The following VPS33A variants were observed in gnomAD, a reference collection of about 807,000 sequenced individuals.
VPS33A encodes VPS33A core subunit of CORVET and HOPS complexes, also known as vacuolar protein sorting-associated protein 33A.
In VPS33A, 32 loss-of-function variants were observed where a neutral mutation model predicts 71.8. The observed-to-expected ratio is 0.45, with a 90% CI of 0.34 to 0.60. The LOEUF (loss-of-function observed/expected upper bound fraction) is 0.60. VPS33A is among the 20% of genes least tolerant of loss of function. The pLI, the probability that VPS33A is intolerant of heterozygous loss-of-function variation, is 0.02. For missense variants in VPS33A, 625 were observed against 748.5 expected (o/e 0.84, Z 1.92); for synonymous variants, 311 against 292.7 (o/e 1.06, Z -0.64).
Position 122,255,015 on chromosome 12 carries a change from C to A in VPS33A, c.484-3916G>T, listed in dbSNP as rs1480210409. On this transcript the variant is annotated intron_variant, in intron 4 of 12. Transcript: ENST00000267199. ...GCAATGAGACGAGATGGCACCAACG[C>A]ACTCCAGCCTAGGCGGCAGAGTGAA... is the stretch of plus-strand genomic sequence containing the variant. Among the ~76,000 whole-genome samples, 4 of 150,046 alleles carry A rather than the reference C, an allele frequency of 2.7e-5. No individual in the cohort carries two copies. The East Asian group carries it at 7.9e-4, about 30-fold the overall frequency.
At chr12:122,238,482 A>G in intron 10 of VPS33A, 105 bp downstream of exon 10, 3 of 1,394,858 alleles carry the variant, frequency 2.2e-6, no homozygotes, top group Non-Finnish European at 2.8e-6. Flanking sequence ...TTGGCCTCCC[A>G]AAGTGCTGGG....
chr12:122,263,822 T>A (rs1955031588), intron 2 of VPS33A, 123 bp from the exon 3 acceptor site: 1 of 1,218,906 alleles, frequency 8.2e-7, no homozygotes, highest in Non-Finnish European at 1.1e-6. Flanking sequence ...AAAATTTAGA[T>A]TCCCTCAAAG....
intron 4 of VPS33A, chr12:122,252,965 T>A (rs1296611950): frequency 6.6e-6 from 1 of 152,146 alleles, no homozygotes; most frequent in Admixed American, 6.5e-5. Context: ...CCTCCACCCC[T>A]ACCAACCCAA....
rs1954754599 is a variant in VPS33A at position 122,244,686 on chromosome 12, T to C, written c.852A>G (p.Ala284=). 3.1e-6 allele frequency: 5 copies of C among 1,614,202 alleles called. No homozygotes were observed. Among genetic ancestry groups the C allele is most frequent in the Non-Finnish European group, 4.2e-6 (5 of 1,180,028 alleles). The change falls in exon 7 of 13, where the codon GCA becomes GCG. Residue 284 remains alanine, a synonymous_variant. Coordinates refer to ENST00000267199, the MANE Select transcript of VPS33A (RefSeq NM_022916.6). ...CTGCAGAATTCAGCTGCAGCTTCTT[T>C]GCTTCCGTGGGGAGGTCCTTACCAC... ...GDGGKDLPTE[A]KKLQLNSAEE...
At chr12:122,263,789 G>A in intron 2 of VPS33A, 90 bp from the exon 3 acceptor site, 1 of 1,391,910 alleles carries the variant, frequency 7.2e-7, no homozygotes, top group Non-Finnish European at 9.6e-7. Context: ...CCCCAATCAA[G>A]TGCACATTAA....
intron 1 of VPS33A, among the ~76,000 whole-genome samples, 192 bp downstream of exon 1, chr12:122,266,115 C>T (rs1326214107): frequency 6.6e-6 from 1 of 151,536 alleles, no homozygotes; most frequent in Non-Finnish European, 1.5e-5. Context: ...ACTCCGGCTC[C>T]AGGCTGTACG....
At chr12:122,258,975 A>G (rs1954953806) in intron 4 of VPS33A, among the ~76,000 whole-genome samples, 1 of 145,130 alleles carries the variant, frequency 6.9e-6, no homozygotes, top group East Asian at 2.0e-4. Context: ...TGACAAAGTG[A>G]CAATCCATCT....
chr12:122,235,363 C>G (rs1030405941), intron 11 of VPS33A, among the ~76,000 whole-genome samples: 8 of 151,278 alleles, frequency 5.3e-5, no homozygotes, highest in South Asian at 4.2e-4. Context: ...CTCCCAGGTT[C>G]AAGCAATTCT....
intron 7 of VPS33A, among the ~76,000 whole-genome samples, chr12:122,242,883 G>T (rs1420899290): frequency 6.6e-6 from 1 of 151,984 alleles, no homozygotes; most frequent in Non-Finnish European, 1.5e-5. Context: ...TTTTTGTATT[G>T]TTCAGAGGAT....
intron 12 of VPS33A, 56 bp from the exon 13 acceptor site, chr12:122,232,483 C>A: frequency 6.7e-7 from 1 of 1,482,162 alleles, no homozygotes. Flanking sequence ...CTTCTCTTCC[C>A]ACCTCTTCAA....
intron 5 of VPS33A, 118 bp from the exon 6 acceptor site, chr12:122,250,163 A>G (rs993014538): frequency 9.0e-7 from 1 of 1,114,630 alleles, no homozygotes; most frequent in African/African-American, 1.6e-5. Flanking sequence ...GGAAGAGTGC[A>G]TTGCTTAGAA....
At chr12:122,246,207 T>C (rs2044610284) in intron 6 of VPS33A, among the ~76,000 whole-genome samples, 1 of 152,180 alleles carries the variant, frequency 6.6e-6, no homozygotes, top group African/African-American at 2.4e-5. Flanking sequence ...AAAAAAATCT[T>C]ATGTAGGCTG....
chr12:122,253,759 G>A (rs1171181133), intron 4 of VPS33A, among the ~76,000 whole-genome samples: 8 of 151,680 alleles, frequency 5.3e-5, no homozygotes, highest in Non-Finnish European at 1.2e-4. Flanking sequence ...GTGCAGTCGG[G>A]CAACCTCAGC....
chr12:122,263,478 G>T, intron 3 of VPS33A, 94 bp downstream of exon 3: 1 of 1,422,844 alleles, frequency 7.0e-7, no homozygotes, highest in Middle Eastern at 1.9e-4. Context: ...ACCTTGCACT[G>T]GCAAGAGTGA....
chr12:122,238,784 C>T lies in VPS33A; in HGVS notation c.1165-60G>A. ...TTACATATACATACACACACACACA[C>T]ACACACACACACACACACACACAAT... On this transcript the variant is annotated intron_variant, in intron 9 of 12. Coordinates refer to ENST00000267199, the MANE Select transcript of VPS33A (RefSeq NM_022916.6). The T allele has an allele frequency of 8.8e-6, 11 of 1,246,912 alleles. No homozygotes were observed. In the East Asian group the frequency reaches 2.0e-4, roughly 22 times the overall value. The allele number at this position is 1,246,912 out of a possible 1,614,324, so 77.2% of individuals were successfully genotyped here.
chr12:122,264,505 C>T (rs564244470), intron 1 of VPS33A, among the ~76,000 whole-genome samples: 1 of 152,214 alleles, frequency 6.6e-6, no homozygotes, highest in East Asian at 1.9e-4. Context: ...ATTCTCCTGC[C>T]TCAGCTTCCT....
chr12:122,239,350 C>T (rs1954677447), intron 9 of VPS33A, among the ~76,000 whole-genome samples: 1 of 152,164 alleles, frequency 6.6e-6, no homozygotes, highest in Non-Finnish European at 1.5e-5. Context: ...TCTCATGTTG[C>T]CATGTATGGC....
intron 9 of VPS33A, among the ~76,000 whole-genome samples, chr12:122,239,345 T>A (rs1056411168): frequency 6.6e-5 from 10 of 152,224 alleles, no homozygotes; most frequent in African/African-American, 2.4e-4. Context: ...CCAGGTCTCA[T>A]GTTGCCATGT....
Position 122,250,286 on chromosome 12 carries a change from C to G in VPS33A, c.601-241G>C. ...ATCAGGTCAGTCTATTCTTGTGATT[C>G]GCAGTAGTTATGTTCTATGAAGTCA... On this transcript the variant is annotated intron_variant, in intron 5 of 12. Transcript: ENST00000267199. The G allele has an allele frequency of 8.8e-6, 4 of 456,964 alleles. No individual in the cohort carries two copies. The South Asian group carries it at 1.4e-4, about 16-fold the overall frequency. The allele number at this position is 456,964 out of a possible 1,614,324, so 28.3% of individuals were successfully genotyped here.
Sources: gnomAD v4.1 joint callset for allele counts (sites outside exome capture counted in the v4.1 genomes callset) on GRCh38, gnomAD v4.1.1 for gene constraint, MANE v1.5 for transcripts, NCBI Gene and HGNC (gene_info 2026-07-23, HGNC 2026-07-21) for gene names.